Variants in QKI observed in about 807,000 individuals in gnomAD.
QKI encodes the protein QKI, KH domain containing RNA binding.
A neutral mutation model predicts 39.0 loss-of-function variants in QKI; 10 were observed. The ratio of observed to expected loss-of-function variants is 0.26; its 90% CI spans 0.16 to 0.43. The LOEUF (loss-of-function observed/expected upper bound fraction) is 0.43. Among genes scored for constraint, QKI ranks in the 20% least tolerant of loss-of-function variants. The pLI is 1.00. For synonymous variants in QKI, 204 were observed against 155.4 expected, an observed-to-expected ratio of 1.31 and a Z score of -2.33; for missense variants, 218 against 428.0, an observed-to-expected ratio of 0.51 and a Z score of 4.33.
intron 4 of QKI, among the ~76,000 whole-genome samples, chr6:163,543,979 A>G (rs571379147): frequency 3.3e-5 from 5 of 152,242 alleles, no homozygotes; most frequent in South Asian, 4.1e-4. Flanking sequence ...TGCATGTAAT[A>G]AATACATATT....
At chr6:163,555,363 A>T (rs1782519432) in intron 4 of QKI, among the ~76,000 whole-genome samples, 2 of 152,100 alleles carry the variant, frequency 1.3e-5, no homozygotes, top group South Asian at 4.1e-4. Flanking sequence ...AAGCAGCATG[A>T]ATTTATAAAA....
chr6:163,562,127 C>G, intron 5 of QKI, 58 bp downstream of exon 5: 1 of 1,319,466 alleles, frequency 7.6e-7, no homozygotes, highest in Non-Finnish European at 1.0e-6. Flanking sequence ...TGTCTACAGA[C>G]TTTTTTCCTT....
intron 4 of QKI, among the ~76,000 whole-genome samples, chr6:163,540,680 A>G (rs1781451754): frequency 2.0e-5 from 3 of 152,180 alleles, no homozygotes. Context: ...AGAATCAAAT[A>G]ATATTTTACC....
chr6:163,527,899 G>A (rs948805022), intron 3 of QKI, among the ~76,000 whole-genome samples: 3 of 152,076 alleles, frequency 2.0e-5, no homozygotes, highest in African/African-American at 7.2e-5. Flanking sequence ...TCACCTATTC[G>A]AAACTTTAAA....
At chr6:163,500,890 A>G (rs9356117) in intron 3 of QKI, among the ~76,000 whole-genome samples, 119,558 of 152,048 alleles carry the variant, frequency 0.79, 47,193 homozygotes, top group East Asian at 1. Context: ...GCCCACACAC[A>G]TAACTGACAA....
At chr6:163,439,561 C>A (rs1174498389) in intron 1 of QKI, among the ~76,000 whole-genome samples, 1 of 151,276 alleles carries the variant, frequency 6.6e-6, no homozygotes, top group Non-Finnish European at 1.5e-5. Flanking sequence ...ACCGTGTTGG[C>A]CAGGCTGTTC....
chr6:163,564,694 A>G (rs1783245831), intron 6 of QKI: 2 of 1,613,950 alleles, frequency 1.2e-6, no homozygotes, highest in Non-Finnish European at 8.5e-7. Flanking sequence ...GTCATGCCTG[A>G]TATTTCAGCC....
intron 3 of QKI, among the ~76,000 whole-genome samples, chr6:163,483,153 G>C (rs1356424777): frequency 6.6e-6 from 1 of 152,174 alleles, no homozygotes; most frequent in East Asian, 1.9e-4. Flanking sequence ...ATTTGTAACA[G>C]CATTATGTCT....
chr6:163,465,896 G>A (rs1021603097), intron 2 of QKI, among the ~76,000 whole-genome samples: 2 of 151,908 alleles, frequency 1.3e-5, no homozygotes, highest in Non-Finnish European at 1.5e-5. Context: ...GGCCGAAGCG[G>A]GCGGATCACC....
At chr6:163,509,363 A>G (rs1779295139) in intron 3 of QKI, among the ~76,000 whole-genome samples, 1 of 152,214 alleles carries the variant, frequency 6.6e-6, no homozygotes, top group Admixed American at 6.5e-5. Context: ...AAAGTTGATT[A>G]CATAGAAATT....
rs1243439902 is a variant in QKI at position 163,573,409 on chromosome 6, T to C, written c.*2699T>C. ...TCTTTATTATCTTAGTTTCATGCTA[T>C]GTATGTACCATAACCAACCTATTGC... On this transcript the variant is annotated 3_prime_UTR_variant, in exon 8 of 8. Transcript: ENST00000361752. 6.6e-6 allele frequency: 1 copy of C among 152,222 alleles called. No homozygotes were observed. The highest frequency in any genetic ancestry group is 1.5e-5 in the Non-Finnish European group (1 of 68,024). 9.4% of individuals were successfully genotyped at this position (152,222 alleles called of 1,614,324 possible). A position where few individuals can be genotyped will look rare whatever the true frequency, so the allele number is the denominator to read the frequency against.
In QKI at chr6:163,572,621, A is replaced by G. The variant is rs1783754210; in HGVS notation, c.*1911A>G. ...CCTACATCTAAACACTTGAGTGAAT[A>G]ATCATTAACTGCTCAGTACCAGACG... On this transcript the variant is annotated 3_prime_UTR_variant, in exon 8 of 8. Coordinates refer to ENST00000361752, the MANE Select transcript of QKI (RefSeq NM_006775.3). The G allele has an allele frequency of 6.9e-6, 1 of 145,022 alleles. No homozygotes were observed. The highest frequency in any genetic ancestry group is 2.2e-4 in the South Asian group (1 of 4,612). The allele number at this position is 145,022 out of a possible 1,614,324, so 9.0% of individuals were successfully genotyped here.
chr6:163,426,573 C>T (rs907582042), intron 1 of QKI, among the ~76,000 whole-genome samples: 1 of 152,064 alleles, frequency 6.6e-6, no homozygotes, highest in South Asian at 2.1e-4. Context: ...AAAGGTGCCC[C>T]GTCAACATTC....
At chr6:163,467,483 T>C (rs1307387976) in intron 2 of QKI, among the ~76,000 whole-genome samples, 1 of 152,216 alleles carries the variant, frequency 6.6e-6, no homozygotes, top group Non-Finnish European at 1.5e-5. Context: ...TATTTCAACA[T>C]GGAAGTATGC....
intron 3 of QKI, among the ~76,000 whole-genome samples, chr6:163,528,764 C>G (rs1780670455): frequency 6.6e-6 from 1 of 152,090 alleles, no homozygotes; most frequent in African/African-American, 2.4e-5. Context: ...TATAAAGTTG[C>G]TTAGCAAGCT....
chr6:163,447,249 ATTTT>A lies in QKI; in HGVS notation c.143-8013_143-8010del, dbSNP rs4038332. ...TTTACATATTTATGAGGTGCACGTG[ATTTT>A]TTTTTTTTTTTTTTTTGCTACATAC... On this transcript the variant is annotated intron_variant, in intron 1 of 7. Coordinates refer to ENST00000361752, the MANE Select transcript of QKI (RefSeq NM_006775.3). Among the ~76,000 whole-genome samples the A allele has an allele frequency of 2.9e-3, 346 of 120,154 alleles. 2 individuals are homozygous for A. The highest frequency in any genetic ancestry group is 4.8e-3 in the Middle Eastern group (1 of 208). The allele number at this position is 120,154 out of a possible 152,430, so 78.8% of individuals were successfully genotyped here.
intron 3 of QKI, among the ~76,000 whole-genome samples, chr6:163,529,849 A>G (rs1354427279): frequency 6.6e-6 from 1 of 152,212 alleles, no homozygotes; most frequent in African/African-American, 2.4e-5. Flanking sequence ...TTCATTCAGG[A>G]TGAGTAATAG....
At chr6:163,564,880 T>C (rs189274361) in intron 6 of QKI, 1,141 of 1,380,644 alleles carry the variant, frequency 8.3e-4, no homozygotes, top group Non-Finnish European at 1.0e-3. Flanking sequence ...TTTTAGGACT[T>C]TGATCTTTTA....
chr6:163,482,976 T>C (rs1178392904), intron 3 of QKI, among the ~76,000 whole-genome samples: 2 of 152,182 alleles, frequency 1.3e-5, no homozygotes, highest in African/African-American at 4.8e-5. Context: ...GCCTTGATCT[T>C]GAGACTATCC....
Sources: allele counts gnomAD v4.1 joint callset (sites outside exome capture counted in the v4.1 genomes callset), GRCh38; gene constraint gnomAD v4.1.1; transcripts MANE v1.5; gene names NCBI Gene and HGNC (gene_info 2026-07-23, HGNC 2026-07-21).